Variants in ITPR1 observed in about 807,000 individuals in gnomAD.
ITPR1 encodes inositol 1,4,5-trisphosphate-gated calcium channel ITPR1.
Under a neutral mutation model 318.4 loss-of-function variants are expected in ITPR1, and 96 were observed. The ratio of observed to expected loss-of-function variants is 0.30; its 90% CI spans 0.26 to 0.36. The LOEUF (loss-of-function observed/expected upper bound fraction) is 0.36, where lower values mean the gene tolerates loss of function less well. ITPR1 is among the 10% of genes least tolerant of loss of function. ITPR1 has a pLI of 1.00. For missense variants in ITPR1, 2,440 were observed against 3,460.2 expected, an observed-to-expected ratio of 0.71 and a Z score of 7.40; for synonymous variants, 1,312 against 1,289.9, an observed-to-expected ratio of 1.02 and a Z score of -0.37.
chr3:4,632,048 T>C (rs2093031539), intron 5 of ITPR1, among the ~76,000 whole-genome samples: 1 of 152,240 alleles, frequency 6.6e-6, no homozygotes, highest in Non-Finnish European at 1.5e-5. Context: ...TAACATGCGT[T>C]CACTTTACCC....
rs1171491062 is a variant in ITPR1, at chr3:4,812,222, G to A, written c.7468+762G>A. Among the ~76,000 whole-genome samples the A allele has an allele frequency of 9.9e-5, 15 of 152,158 alleles. No individual in the cohort carries two copies. In the East Asian group the frequency reaches 2.5e-3, roughly 25 times the overall value. ...CATGTGGCTAATTGTATTTTTTGTAGAGATAGGTTCTTGCCATGTTGCCCA... is the reference window on the plus strand; with the variant it reads ...CATGTGGCTAATTGTATTTTTTGTAAAGATAGGTTCTTGCCATGTTGCCCA... On this transcript the variant is annotated intron_variant, in intron 56 of 61. Transcript: ENST00000649015.
chr3:4,498,833 T>A (rs890296651), intron 2 of ITPR1, among the ~76,000 whole-genome samples: 3 of 152,226 alleles, frequency 2.0e-5, no homozygotes, highest in Non-Finnish European at 4.4e-5. Context: ...CACCCTGCGT[T>A]GTATCCAGTG....
At chr3:4,664,508 A>C (rs1377811505) in intron 16 of ITPR1, among the ~76,000 whole-genome samples, 1 of 152,244 alleles carries the variant, frequency 6.6e-6, no homozygotes, top group African/African-American at 2.4e-5. Flanking sequence ...GGTCTATGAT[A>C]GACAGAATTT....
chr3:4,515,476 C>T (rs1437798242), intron 2 of ITPR1, among the ~76,000 whole-genome samples: 1 of 152,178 alleles, frequency 6.6e-6, no homozygotes, highest in Non-Finnish European at 1.5e-5. Context: ...GGCATCTCCA[C>T]AGCAGATGCC....
chr3:4,546,781 T>G (rs950163757), intron 4 of ITPR1, among the ~76,000 whole-genome samples: 57 of 139,582 alleles, frequency 4.1e-4, no homozygotes, highest in Non-Finnish European at 1.1e-4. Context: ...TTTTTTTTAA[T>G]CCCTTTGAAT....
At chr3:4,638,096 A>AG (rs2093244611) in intron 5 of ITPR1, among the ~76,000 whole-genome samples, 1 of 152,154 alleles carries the variant, frequency 6.6e-6, no homozygotes, top group African/African-American at 2.4e-5. Context: ...GCCGGTAGGT[A>AG]GGCGACCCAA....
intron 4 of ITPR1, among the ~76,000 whole-genome samples, chr3:4,620,624 T>A (rs926743879): frequency 6.6e-6 from 1 of 151,896 alleles, no homozygotes; most frequent in Non-Finnish European, 1.5e-5. Context: ...TTGGGAAGAT[T>A]GATTTGGGTT....
At chr3:4,616,586 A>G (rs2092398438) in intron 4 of ITPR1, among the ~76,000 whole-genome samples, 1 of 152,194 alleles carries the variant, frequency 6.6e-6, no homozygotes, top group Non-Finnish European at 1.5e-5. Flanking sequence ...TTGCATTTAT[A>G]TATGCTGGCT....
intron 2 of ITPR1, among the ~76,000 whole-genome samples, chr3:4,514,284 A>C (rs2082036668): frequency 6.6e-6 from 1 of 152,226 alleles, no homozygotes; most frequent in African/African-American, 2.4e-5. Context: ...AGCACTCAGC[A>C]CAATGGTGGG....
intron 30 of ITPR1, among the ~76,000 whole-genome samples, chr3:4,686,036 G>A (rs1238346798): frequency 6.6e-6 from 1 of 152,198 alleles, no homozygotes; most frequent in African/African-American, 2.4e-5. Flanking sequence ...CAGGCGCCAT[G>A]CTGAGGCCTT....
At position 4,824,399 on chromosome 3, in the gene ITPR1, C is replaced by T. The variant is rs574227788; in HGVS notation, c.8028+6157C>T. Among the ~76,000 whole-genome samples, 512 of 152,242 alleles carry T rather than the reference C, an allele frequency of 3.4e-3. 1 individual carries two copies. Among genetic ancestry groups the T allele is most frequent in the Non-Finnish European group, 5.8e-3 (394 of 67,998 alleles). On this transcript the variant is annotated intron_variant, in intron 60 of 61. Transcript: ENST00000649015. ...AGGTCGAGCAACTTTTGCAGGGTCG[C>T]GGCGCTGGGAAGTGCTAGAGCCAAG...
chr3:4,582,430 CCTCCT>C (rs2089451590), intron 4 of ITPR1, among the ~76,000 whole-genome samples: 2 of 152,138 alleles, frequency 1.3e-5, no homozygotes, highest in Non-Finnish European at 2.9e-5. Flanking sequence ...CGGATGGTCA[CCTCCT>C]CTTCTCCCCA....
chr3:4,571,319 T>TC, intron 4 of ITPR1, among the ~76,000 whole-genome samples: 1 of 152,136 alleles, frequency 6.6e-6, no homozygotes, highest in Non-Finnish European at 1.5e-5. Flanking sequence ...TTTTTCTTTT[T>TC]TTCTCTTCTC....
chr3:4,674,651 A>G (rs2094149320), intron 22 of ITPR1, among the ~76,000 whole-genome samples: 1 of 152,236 alleles, frequency 6.6e-6, no homozygotes, highest in Non-Finnish European at 1.5e-5. Flanking sequence ...CCATAGCTTA[A>G]TCATTTGCAG....
intron 37 of ITPR1, among the ~76,000 whole-genome samples, chr3:4,709,852 A>G (rs370407217): frequency 1.3e-4 from 20 of 152,372 alleles, no homozygotes; most frequent in African/African-American, 4.3e-4. Flanking sequence ...GTATTTCTAT[A>G]TAGAAGAAAA....
chr3:4,757,875 C>G (rs73807145), intron 44 of ITPR1, among the ~76,000 whole-genome samples: 1,948 of 152,258 alleles, frequency 0.013, 39 homozygotes, highest in African/African-American at 0.044. Context: ...AGCCCCACCT[C>G]TTGGTAGCCA....
intron 44 of ITPR1, among the ~76,000 whole-genome samples, chr3:4,743,692 C>T (rs930249475): frequency 1.3e-5 from 2 of 152,162 alleles, no homozygotes; most frequent in South Asian, 2.1e-4. Context: ...TGGACAGTTA[C>T]ATACATCTGC....
intron 49 of ITPR1, chr3:4,782,242 A>C (rs1221944094): frequency 1.2e-5 from 2 of 160,248 alleles, no homozygotes; most frequent in Non-Finnish European, 2.7e-5. Context: ...AAGGGCTGGG[A>C]GTGGGAAATG....
intron 2 of ITPR1, among the ~76,000 whole-genome samples, chr3:4,505,493 T>C (rs749403363): frequency 6.6e-6 from 1 of 152,224 alleles, no homozygotes; most frequent in Non-Finnish European, 1.5e-5. Flanking sequence ...GTGCCTGGCC[T>C]AAAGGAAGCT....
Sources: gnomAD v4.1 joint callset for allele counts (sites outside exome capture counted in the v4.1 genomes callset) on GRCh38, gnomAD v4.1.1 for gene constraint, MANE v1.5 for transcripts, NCBI Gene and HGNC (gene_info 2026-07-23, HGNC 2026-07-21) for gene names.